The following DLGAP1 variants were observed in gnomAD, a reference collection of about 807,000 sequenced individuals.
DLGAP1 encodes DLG associated protein 1.
A neutral mutation model predicts 90.8 loss-of-function variants in DLGAP1; 11 were observed. The ratio of observed to expected loss-of-function variants is 0.12; its 90% CI spans 0.08 to 0.20. DLGAP1 has a LOEUF of 0.20. Among genes scored for constraint, DLGAP1 ranks in the 10% least tolerant of loss-of-function variants. DLGAP1 has a pLI of 1.00. For missense variants in DLGAP1, 1,050 were observed against 1,333.8 expected, an observed-to-expected ratio of 0.79 and a Z score of 3.31; for synonymous variants, 558 against 540.7, an observed-to-expected ratio of 1.03 and a Z score of -0.44.
At chr18:3,983,803 G>A (rs2073786902) in intron 3 of DLGAP1, 3 of 152,118 alleles carry the variant, frequency 2.0e-5, no homozygotes, top group South Asian at 2.1e-4. Context: ...CCATTCTAAC[G>A]TCTACCGCAT....
At chr18:4,249,535 G>A (rs904624385) in intron 1 of DLGAP1, among the ~76,000 whole-genome samples, 2 of 150,366 alleles carry the variant, frequency 1.3e-5, no homozygotes, top group African/African-American at 4.9e-5. Context: ...TTACTCTATA[G>A]AAGTACAGTA....
At chr18:4,402,679 T>C (rs2082580289) in intron 1 of DLGAP1, among the ~76,000 whole-genome samples, 1 of 152,060 alleles carries the variant, frequency 6.6e-6, no homozygotes, top group African/African-American at 2.4e-5. Flanking sequence ...AAGCACTGAA[T>C]TGGTAAAAAG....
intron 1 of DLGAP1, among the ~76,000 whole-genome samples, chr18:4,398,209 GAAC>G (rs2082478372): frequency 6.6e-6 from 1 of 152,172 alleles, no homozygotes; most frequent in African/African-American, 2.4e-5. Context: ...CAGTGAAAAA[GAAC>G]AGCATCTGTT....
At chr18:4,098,991 A>C (rs1469741827) in intron 2 of DLGAP1, among the ~76,000 whole-genome samples, 1 of 152,132 alleles carries the variant, frequency 6.6e-6, no homozygotes, top group Non-Finnish European at 1.5e-5. Flanking sequence ...TTACTTGCTT[A>C]AGTTGTTAGC....
chr18:4,117,408 T>TACA (rs1484108092), intron 2 of DLGAP1, among the ~76,000 whole-genome samples: 4 of 152,262 alleles, frequency 2.6e-5, no homozygotes, highest in Non-Finnish European at 5.9e-5. Context: ...TGCTTATTGA[T>TACA]TGCCCCTCCT....
At chr18:3,632,029 C>A (rs1016777537) in intron 7 of DLGAP1, among the ~76,000 whole-genome samples, 1 of 152,162 alleles carries the variant, frequency 6.6e-6, no homozygotes, top group Non-Finnish European at 1.5e-5. Context: ...CCCACCTCGG[C>A]TTCCCCAAGA....
intron 2 of DLGAP1, among the ~76,000 whole-genome samples, chr18:4,082,587 C>T (rs1284052567): frequency 2.7e-5 from 4 of 148,944 alleles, no homozygotes; most frequent in African/African-American, 5.0e-5. Context: ...AATCATTCAG[C>T]GATCCACCCA....
At chr18:3,836,518 T>G (rs897002409) in intron 4 of DLGAP1, among the ~76,000 whole-genome samples, 2 of 152,208 alleles carry the variant, frequency 1.3e-5, no homozygotes, top group African/African-American at 4.8e-5. Flanking sequence ...CCCTGAATAC[T>G]GTCACACACG....
At chr18:3,744,045 T>TA (rs2063168066) in intron 5 of DLGAP1, among the ~76,000 whole-genome samples, 1 of 152,246 alleles carries the variant, frequency 6.6e-6, no homozygotes, top group Admixed American at 6.5e-5. Flanking sequence ...ACATTGTTCC[T>TA]AATTAAATAA....
At chr18:3,700,366 G>C (rs925280223) in intron 7 of DLGAP1, among the ~76,000 whole-genome samples, 2 of 152,122 alleles carry the variant, frequency 1.3e-5, no homozygotes, top group Non-Finnish European at 2.9e-5. Context: ...GCTTCCTTCG[G>C]CTAGGGGAGG....
chr18:4,054,692 T>A (rs1246590225), intron 2 of DLGAP1, among the ~76,000 whole-genome samples: 2 of 152,230 alleles, frequency 1.3e-5, no homozygotes, highest in Non-Finnish European at 2.9e-5. Flanking sequence ...ATGACAATGC[T>A]ACAGGTGCTA....
chr18:3,866,143 AG>A (rs1259224295), intron 4 of DLGAP1, among the ~76,000 whole-genome samples: 2 of 152,250 alleles, frequency 1.3e-5, no homozygotes, highest in African/African-American at 4.8e-5. Flanking sequence ...TGAGTCAATC[AG>A]GAACTCCTGG....
chr18:3,659,292 C>T (rs2059599608), intron 7 of DLGAP1, among the ~76,000 whole-genome samples: 1 of 151,996 alleles, frequency 6.6e-6, no homozygotes, highest in Non-Finnish European at 1.5e-5. Context: ...AAAAGCTACA[C>T]ATAGCACTGC....
At chr18:3,964,539 C>A (rs567327351) in intron 3 of DLGAP1, among the ~76,000 whole-genome samples, 1 of 152,132 alleles carries the variant, frequency 6.6e-6, no homozygotes, top group South Asian at 2.1e-4. Flanking sequence ...GCTGGAGATA[C>A]GAGATGGGAA....
At chr18:3,514,833 TG>T (rs2050737003) in intron 10 of DLGAP1, among the ~76,000 whole-genome samples, 1 of 152,228 alleles carries the variant, frequency 6.6e-6, no homozygotes, top group Non-Finnish European at 1.5e-5. Context: ...TGTGGATGGC[TG>T]CTGTGATCAA....
chr18:3,691,772 T>A (rs2060905533), intron 7 of DLGAP1, among the ~76,000 whole-genome samples: 1 of 151,826 alleles, frequency 6.6e-6, no homozygotes, highest in Admixed American at 6.6e-5. Context: ...AAGAGTTAGC[T>A]GAGAGTGGTG....
At chr18:3,692,175 G>A (rs1369236998) in intron 7 of DLGAP1, among the ~76,000 whole-genome samples, 1 of 152,182 alleles carries the variant, frequency 6.6e-6, no homozygotes, top group Non-Finnish European at 1.5e-5. Flanking sequence ...CCTGGCCGCT[G>A]GTGAGCTACC....
intron 3 of DLGAP1, among the ~76,000 whole-genome samples, chr18:3,974,479 GT>G (rs1251830669): frequency 6.6e-6 from 1 of 152,160 alleles, no homozygotes; most frequent in Non-Finnish European, 1.5e-5. Context: ...GATTTCAATA[GT>G]TCTTCACACA....
intron 7 of DLGAP1, among the ~76,000 whole-genome samples, chr18:3,701,518 A>T (rs1385105645): frequency 6.6e-6 from 1 of 152,250 alleles, no homozygotes; most frequent in Admixed American, 6.5e-5. Flanking sequence ...ACCCATGCTT[A>T]TGTGATAAAT....
Sources: gnomAD v4.1 joint callset for allele counts (sites outside exome capture counted in the v4.1 genomes callset) on GRCh38, gnomAD v4.1.1 for gene constraint, MANE v1.5 for transcripts, NCBI Gene and HGNC (gene_info 2026-07-23, HGNC 2026-07-21) for gene names.